Variants in QTMAN observed in about 807,000 individuals in gnomAD.
QTMAN encodes the protein queuosine-tRNA mannosyltransferase.
At chr2:144,133,161 A>G in the QTMAN span, among the ~76,000 whole-genome samples, 2 of 67,908 alleles carry the variant, frequency 2.9e-5, no homozygotes, top group Non-Finnish European at 5.0e-5. Context: ...AATATAATAT[A>G]ATATATATAT....
At chr2:144,304,121 G>A in the QTMAN span, among the ~76,000 whole-genome samples, 2 of 152,194 alleles carry the variant, frequency 1.3e-5, no homozygotes, top group African/African-American at 4.8e-5. Context: ...CTTCCAAAAG[G>A]TCACAGAAGC....
At chr2:144,143,887 C>CA in the QTMAN span, among the ~76,000 whole-genome samples, 26 of 151,630 alleles carry the variant, frequency 1.7e-4, no homozygotes, top group South Asian at 2.1e-4. Flanking sequence ...CTGACAGTGC[C>CA]AAAAAAAGCA....
chr2:144,203,890 TG>T, the QTMAN span, among the ~76,000 whole-genome samples: 1 of 152,036 alleles, frequency 6.6e-6, no homozygotes, highest in East Asian at 1.9e-4. Context: ...AAACAAGAAA[TG>T]GGGAAAGGAT....
chr2:144,069,261 T>C, the QTMAN span, among the ~76,000 whole-genome samples: 1 of 151,114 alleles, frequency 6.6e-6, no homozygotes, highest in Non-Finnish European at 1.5e-5. Context: ...GGATTTGGTT[T>C]CTTAAATTTG....
chr2:144,015,592 C>T, the QTMAN span, among the ~76,000 whole-genome samples: 2 of 152,114 alleles, frequency 1.3e-5, no homozygotes, highest in Admixed American at 1.3e-4. Context: ...TGTTACAATG[C>T]ACTCATCATA....
At chr2:144,206,291 A>T in the QTMAN span, among the ~76,000 whole-genome samples, 1 of 152,214 alleles carries the variant, frequency 6.6e-6, no homozygotes, top group Admixed American at 6.6e-5. Context: ...ATACAAAAAG[A>T]GTAACAACTG....
the QTMAN span, among the ~76,000 whole-genome samples, chr2:144,168,397 T>C: frequency 1.3e-5 from 2 of 152,200 alleles, no homozygotes; most frequent in Non-Finnish European, 2.9e-5. Context: ...AGAATACTGA[T>C]ACTTCAGATA....
At chr2:143,975,224 C>T in the QTMAN span, among the ~76,000 whole-genome samples, 1 of 152,154 alleles carries the variant, frequency 6.6e-6, no homozygotes, top group African/African-American at 2.4e-5. Flanking sequence ...TTTCTTAGAG[C>T]TAAATTTCTT....
chr2:143,985,501 A>G, the QTMAN span, among the ~76,000 whole-genome samples: 2 of 152,252 alleles, frequency 1.3e-5, no homozygotes, highest in Non-Finnish European at 2.9e-5. Context: ...ATTCATGTTC[A>G]TGGAATAAAG....
the QTMAN span, among the ~76,000 whole-genome samples, chr2:144,181,315 C>T: frequency 6.6e-6 from 1 of 152,162 alleles, no homozygotes; most frequent in Admixed American, 6.5e-5. Context: ...AAAATGTGTT[C>T]CTTTCCCCCA....
the QTMAN span, among the ~76,000 whole-genome samples, chr2:144,147,354 C>T: frequency 9.9e-5 from 15 of 151,562 alleles, no homozygotes; most frequent in African/African-American, 3.4e-4. Context: ...CCAAACAATG[C>T]CCCATTTTGT....
At chr2:144,277,472 A>G in the QTMAN span, among the ~76,000 whole-genome samples, 1 of 152,168 alleles carries the variant, frequency 6.6e-6, no homozygotes, top group East Asian at 1.9e-4. Flanking sequence ...ATTGGCAAAA[A>G]TGAGCAAACC....
At chr2:144,097,541 G>A in the QTMAN span, among the ~76,000 whole-genome samples, 3 of 152,050 alleles carry the variant, frequency 2.0e-5, no homozygotes, top group East Asian at 1.9e-4. Context: ...AAACCTATTC[G>A]GAATTCCTCC....
chr2:144,332,276 A>C, the QTMAN span, among the ~76,000 whole-genome samples: 2 of 147,668 alleles, frequency 1.4e-5, no homozygotes, highest in Non-Finnish European at 3.0e-5. Flanking sequence ...CCTCCCCCAC[A>C]CCCCCCGCCC....
the QTMAN span, among the ~76,000 whole-genome samples, chr2:144,249,013 T>C: frequency 1.3e-5 from 2 of 152,242 alleles, no homozygotes; most frequent in Non-Finnish European, 2.9e-5. Context: ...TTTAGAACAT[T>C]ACTTACCCAC....
chr2:144,133,247 A>ATATATATAAATATATATTTATATT, the QTMAN span, among the ~76,000 whole-genome samples: 1 of 52,596 alleles, frequency 1.9e-5, no homozygotes, highest in African/African-American at 1.5e-4. Flanking sequence ...TTATATATAA[A>ATATATATAAATATATATTTATATT]TATATATAAA....
At chr2:144,210,601 C>T in the QTMAN span, among the ~76,000 whole-genome samples, 9 of 152,098 alleles carry the variant, frequency 5.9e-5, no homozygotes, top group Middle Eastern at 3.2e-3. Flanking sequence ...TTCAGAGTCC[C>T]AGCCATGCAG....
At chr2:144,175,906 T>A in the QTMAN span, among the ~76,000 whole-genome samples, 1 of 152,138 alleles carries the variant, frequency 6.6e-6, no homozygotes, top group Non-Finnish European at 1.5e-5. Flanking sequence ...CCTCAAGTGA[T>A]CCACCTGCCT....
the QTMAN span, among the ~76,000 whole-genome samples, chr2:144,181,509 G>C: frequency 6.6e-6 from 1 of 152,198 alleles, no homozygotes; most frequent in South Asian, 2.1e-4. Flanking sequence ...TAACTGGTAA[G>C]AAATAATAAT....
Sources: gnomAD v4.1 joint callset for allele counts (sites outside exome capture counted in the v4.1 genomes callset) on GRCh38, gnomAD v4.1.1 for gene constraint, MANE v1.5 for transcripts, NCBI Gene and HGNC (gene_info 2026-07-23, HGNC 2026-07-21) for gene names.